The following ATP13A4 variants were observed in gnomAD, a reference collection of about 807,000 sequenced individuals.
ATP13A4 encodes the protein ATPase 13A4.
Under a neutral mutation model 142.5 loss-of-function variants are expected in ATP13A4, and 114 were observed. That is an observed-to-expected ratio of 0.80 (90% CI 0.69 to 0.93). The LOEUF (loss-of-function observed/expected upper bound fraction) is 0.93, where lower values mean the gene tolerates loss of function less well. ATP13A4 is among the 40% of genes least tolerant of loss of function. ATP13A4 has a pLI of 0.00. For synonymous variants in ATP13A4, 488 were observed against 514.8 expected (o/e 0.95, Z 0.70); for missense variants, 1,392 against 1,454.0 (o/e 0.96, Z 0.69).
intron 1 of ATP13A4, among the ~76,000 whole-genome samples, chr3:193,552,524 T>C (rs1463367703): frequency 6.6e-6 from 1 of 152,216 alleles, no homozygotes; most frequent in Non-Finnish European, 1.5e-5. Flanking sequence ...TTATTTAAGC[T>C]ACTCGAATTA....
intron 2 of ATP13A4, among the ~76,000 whole-genome samples, chr3:193,568,056 T>A (rs1724178384): frequency 6.6e-6 from 1 of 151,626 alleles, no homozygotes; most frequent in Non-Finnish European, 1.5e-5. Flanking sequence ...GTCTCCCGGG[T>A]TCAAGCGATT....
intron 8 of ATP13A4, among the ~76,000 whole-genome samples, chr3:193,474,965 A>G (rs1435093985): frequency 1.3e-5 from 2 of 152,114 alleles, no homozygotes; most frequent in Non-Finnish European, 1.5e-5. Context: ...TGCTCACCTT[A>G]TGATTAGAAA....
chr3:193,468,730 G>C (rs1576995189), intron 9 of ATP13A4, among the ~76,000 whole-genome samples: 1 of 152,212 alleles, frequency 6.6e-6, no homozygotes, highest in Admixed American at 6.5e-5. Flanking sequence ...CTGGACAATA[G>C]AGTGACACTC....
chr3:193,442,424 T>A lies in ATP13A4; in HGVS notation c.2285A>T (p.Glu762Val). 1 of 1,614,074 alleles carries A rather than the reference T, an allele frequency of 6.2e-7. No homozygotes were observed. The highest frequency in any genetic ancestry group is 1.1e-5 in the South Asian group (1 of 91,070). ...CCCATACATAATGTGTTTCTTCTCT[T>A]CTACTAACGTCCAAGATATAGATGC... Reference protein sequence around the residue: ...SSASISWTLVEEKKHIMYGNQ... With the variant: ...SSASISWTLVVEKKHIMYGNQ... The change falls in exon 19 of 30, where the codon GAA (glutamate) becomes GTA (valine). Residue 762 changes from glutamate (E) to valine (V), a missense_variant. By Grantham distance (121) the Glu-to-Val change is moderately radical. Transcript: ENST00000342695.
At chr3:193,467,173 T>C in intron 10 of ATP13A4, 143 bp downstream of exon 10, 1 of 783,430 alleles carries the variant, frequency 1.3e-6, no homozygotes, top group Non-Finnish European at 2.0e-6. Flanking sequence ...TATACACAGC[T>C]ACTATATACC....
chr3:193,480,844 A>C (rs1193593651), intron 8 of ATP13A4, among the ~76,000 whole-genome samples: 3 of 152,224 alleles, frequency 2.0e-5, no homozygotes, highest in African/African-American at 7.2e-5. Context: ...CTAGAGCAGC[A>C]CAATTTGTAA....
intron 9 of ATP13A4, among the ~76,000 whole-genome samples, chr3:193,469,555 G>C (rs1252184367): frequency 3.3e-5 from 5 of 152,196 alleles, no homozygotes; most frequent in African/African-American, 1.2e-4. Flanking sequence ...TTGAACCCGG[G>C]AGGCAGAGAT....
At chr3:193,573,606 G>T (rs1724335044) in intron 2 of ATP13A4, among the ~76,000 whole-genome samples, 1 of 151,866 alleles carries the variant, frequency 6.6e-6, no homozygotes, top group South Asian at 2.1e-4. Flanking sequence ...TCCACTCGAG[G>T]TTCCCATCCC....
At position 193,457,064 on chromosome 3, in the gene ATP13A4, A is replaced by C; in HGVS notation, c.1851T>G (p.Gly617=). The change falls in exon 16 of 30, where the codon GGT becomes GGG. Residue 617 remains glycine (G), a synonymous_variant. Coordinates refer to ENST00000342695, the MANE Select transcript of ATP13A4 (RefSeq NM_032279.4). ...CACCTTTCATGAATGCCAGTCGGTCACCTCCCATCTCTTGGACAATGACTG... is the reference window on the plus strand; with the variant it reads ...CACCTTTCATGAATGCCAGTCGGTCCCCTCCCATCTCTTGGACAATGACTG... ...RMTVIVQEMG[G]DRLAFMKGAP... is the part of the protein sequence containing the mutation. 6.2e-7 allele frequency: 1 copy of C among 1,613,966 alleles called. No individual in the cohort carries two copies. Among genetic ancestry groups the C allele is most frequent in the Admixed American group, 1.7e-5 (1 of 59,986 alleles).
chr3:193,436,886 C>A (rs983316600), intron 23 of ATP13A4, among the ~76,000 whole-genome samples: 4 of 149,568 alleles, frequency 2.7e-5, no homozygotes, highest in Non-Finnish European at 4.4e-5. Context: ...GGGCGGATCA[C>A]GAGGTCAGGA....
chr3:193,414,739 C>T lies in ATP13A4; in HGVS notation c.2854G>A (p.Gly952Ser). The T allele has an allele frequency of 6.2e-7, 1 of 1,614,032 alleles. No homozygotes were observed. The highest frequency in any genetic ancestry group is 8.5e-7 in the Non-Finnish European group (1 of 1,179,964). ...AAAGGCACCAGCTTAGGGTAGGCAC[C>T]ATTCAGATTCACTATAAAATAAATT... ...TLIGVTMNLN[G>S]AYPKLVPFRP... The change falls in exon 26 of 30, where the codon GGT becomes AGT. Residue 952 changes from glycine to serine, a missense_variant. Coordinates refer to ENST00000342695, the MANE Select transcript of ATP13A4 (RefSeq NM_032279.4).
At chr3:193,470,482 A>G (rs1275707258) in intron 9 of ATP13A4, among the ~76,000 whole-genome samples, 1 of 152,200 alleles carries the variant, frequency 6.6e-6, no homozygotes, top group South Asian at 2.1e-4. Flanking sequence ...AAACCCTCCA[A>G]GTTTATTTAA....
At chr3:193,433,225 A>T (rs892018522) in intron 25 of ATP13A4, among the ~76,000 whole-genome samples, 7 of 152,222 alleles carry the variant, frequency 4.6e-5, no homozygotes, top group Non-Finnish European at 8.8e-5. Context: ...AGGAACGCTG[A>T]TAGTAGCAGA....
At chr3:193,532,478 G>A (rs912679346) in intron 1 of ATP13A4, among the ~76,000 whole-genome samples, 1 of 149,998 alleles carries the variant, frequency 6.7e-6, no homozygotes, top group Non-Finnish European at 1.5e-5. Flanking sequence ...AAGGCTGAAG[G>A]GAAAGCTAAA....
At chr3:193,522,262 T>C (rs1319484149) in intron 1 of ATP13A4, among the ~76,000 whole-genome samples, 1 of 152,190 alleles carries the variant, frequency 6.6e-6, no homozygotes, top group Non-Finnish European at 1.5e-5. Context: ...ACCTATCAGC[T>C]GCAGGCAGGA....
chr3:193,567,395 T>C (rs936280846), intron 2 of ATP13A4, among the ~76,000 whole-genome samples: 1 of 152,194 alleles, frequency 6.6e-6, no homozygotes, highest in Non-Finnish European at 1.5e-5. Context: ...TCAGAAAAAG[T>C]AAATGTATTA....
intron 1 of ATP13A4, among the ~76,000 whole-genome samples, chr3:193,589,169 A>AATAT (rs901453933): frequency 3.1e-4 from 47 of 151,792 alleles, no homozygotes; most frequent in African/African-American, 1.1e-3. Flanking sequence ...ACAAAAACCA[A>AATAT]ATATATATAT....
chr3:193,420,510 A>T (rs1184717581), intron 25 of ATP13A4, among the ~76,000 whole-genome samples: 1 of 149,878 alleles, frequency 6.7e-6, no homozygotes, highest in Non-Finnish European at 1.5e-5. Flanking sequence ...TTCTCCAGTA[A>T]CTGACCCCAA....
intron 14 of ATP13A4, chr3:193,458,546 T>C (rs1262546169): frequency 6.1e-6 from 1 of 164,150 alleles, no homozygotes; most frequent in Non-Finnish European, 1.3e-5. Flanking sequence ...ACGACACTGT[T>C]GGCTCTTAAA....
Sources: gnomAD v4.1 joint callset for allele counts (sites outside exome capture counted in the v4.1 genomes callset) on GRCh38, gnomAD v4.1.1 for gene constraint, MANE v1.5 for transcripts, NCBI Gene and HGNC (gene_info 2026-07-23, HGNC 2026-07-21) for gene names.